Variants in NOL10 observed in about 807,000 individuals in gnomAD.
NOL10 encodes the protein nucleolar protein 10.
A neutral mutation model predicts 103.5 loss-of-function variants in NOL10; 58 were observed. The observed-to-expected ratio is 0.56, with a 90% CI of 0.45 to 0.70. NOL10 has a LOEUF of 0.70. NOL10 is among the 30% of genes least tolerant of loss of function. NOL10 has a pLI of 0.00. For synonymous variants in NOL10, 287 were observed against 282.5 expected, an observed-to-expected ratio of 1.02 and a Z score of -0.16; for missense variants, 763 against 807.3, an observed-to-expected ratio of 0.95 and a Z score of 0.67.
At position 10,662,461 on chromosome 2, in the gene NOL10, T is replaced by C. The variant is rs201805551; in HGVS notation, c.677+498A>G. Among the ~76,000 whole-genome samples, 7 of 152,354 alleles carry C rather than the reference T, an allele frequency of 4.6e-5. No individual in the cohort carries two copies. The East Asian group carries it at 1.2e-3, about 25-fold the overall frequency. On this transcript the variant is annotated intron_variant, in intron 9 of 20. Coordinates refer to ENST00000381685, the MANE Select transcript of NOL10 (RefSeq NM_024894.4). Reference sequence around the variant, plus strand: ...GTACCAAAAACCTTCAAAACATGTATGCTATTTAATCCAGAAATTCAGGTT... The same window carrying C: ...GTACCAAAAACCTTCAAAACATGTACGCTATTTAATCCAGAAATTCAGGTT...
intron 1 of NOL10, among the ~76,000 whole-genome samples, chr2:10,686,229 T>G (rs1001490506): frequency 1.3e-5 from 2 of 152,214 alleles, no homozygotes; most frequent in East Asian, 3.9e-4. Flanking sequence ...TGGAGAATTA[T>G]AATTTTGAAT....
Position 10,685,498 on chromosome 2 carries a change from C to A in NOL10, c.67-886G>T, listed in dbSNP as rs1332893594. ...CTGAGAGAGACTCCGTCCCCCCCCCCCCCCCCCCCGCCAAAAAAAAAGAAA... is the reference window on the plus strand; with the variant it reads ...CTGAGAGAGACTCCGTCCCCCCCCCACCCCCCCCCGCCAAAAAAAAAGAAA... On this transcript the variant is annotated intron_variant, in intron 1 of 20. Coordinates refer to ENST00000381685, the MANE Select transcript of NOL10 (RefSeq NM_024894.4). Among the ~76,000 whole-genome samples the A allele has an allele frequency of 5.6e-4, 35 of 62,338 alleles. 1 individual carries two copies. Among genetic ancestry groups the A allele is most frequent in the East Asian group, 1.9e-3 (3 of 1,618 alleles). 40.9% of individuals were successfully genotyped at this position (62,338 alleles called of 152,430 possible).
At position 10,573,482 on chromosome 2, in the gene NOL10, G is replaced by A. The variant is rs529845227; in HGVS notation, c.1948-1292C>T. 9.9e-5 allele frequency among the ~76,000 whole-genome samples: 15 copies of A among 151,882 alleles called. No individual in the cohort carries two copies. The South Asian group carries it at 1.3e-3, about 13-fold the overall frequency. ...GCTGGGATTACAGGCGTGCGCCACC[G>A]TGCCCAGCCAGGATCTGTATTTTCT... is the stretch of plus-strand genomic sequence containing the variant. On this transcript the variant is annotated intron_variant, in intron 20 of 20. Transcript: ENST00000381685.
chr2:10,653,650 C>A (rs1679633960), intron 12 of NOL10, among the ~76,000 whole-genome samples: 1 of 152,116 alleles, frequency 6.6e-6, no homozygotes, highest in Non-Finnish European at 1.5e-5. Flanking sequence ...CAGGACACTC[C>A]TCCCCACCCC....
chr2:10,619,900 C>G lies in NOL10; in HGVS notation c.1027-12589G>C, dbSNP rs185267761. On this transcript the variant is annotated intron_variant, in intron 13 of 20. Coordinates refer to ENST00000381685, the MANE Select transcript of NOL10 (RefSeq NM_024894.4). ...AGTTCACTTCCAGACTTTGCAATAA[C>G]AATGACTCTAAGCAATGTTAAAGTC... is the stretch of plus-strand genomic sequence containing the variant. Among the ~76,000 whole-genome samples the G allele has an allele frequency of 1.9e-3, 292 of 152,346 alleles. 2 individuals are homozygous for G. The highest frequency in any genetic ancestry group is 6.8e-3 in the African/African-American group (281 of 41,568).
At chr2:10,600,804 T>C (rs1005142602) in intron 17 of NOL10, 49 bp downstream of exon 17, 7 of 1,173,032 alleles carry the variant, frequency 6.0e-6, no homozygotes, top group African/African-American at 3.1e-5. Context: ...AGATGTAAGT[T>C]ACTATCAACA....
intron 12 of NOL10, among the ~76,000 whole-genome samples, chr2:10,650,438 T>C (rs983547972): frequency 6.6e-6 from 1 of 151,982 alleles, no homozygotes; most frequent in East Asian, 1.9e-4. Context: ...CATGATGGGA[T>C]TACAGGCGTG....
Position 10,663,028 on chromosome 2 carries a change from C to T in NOL10, c.608G>A (p.Trp203Ter), listed in dbSNP as rs1185478858. Residue 203 changes from tryptophan to a stop codon, truncating the protein, a stop_gained, in exon 9 of 21, where the codon TGG (tryptophan) becomes TAG (stop). Coordinates refer to ENST00000381685, the MANE Select transcript of NOL10 (RefSeq NM_024894.4). LOFTEE classifies it high-confidence loss of function. ...TGTIEGRVEC[W>*]DPRTRNRVGL... The stretch of plus-strand genomic sequence containing the variant: ...AACTCTGTTTCGAGTTCTTGGGTCC[C>T]AGCACTCCACTCTACCCTATGCAAA... 3 of 1,613,668 alleles carry T rather than the reference C, an allele frequency of 1.9e-6. No individual in the cohort carries two copies. The Admixed American group carries it at 5.0e-5, about 27-fold the overall frequency.
At chr2:10,577,334 G>A (rs1386806416) in intron 20 of NOL10, among the ~76,000 whole-genome samples, 1 of 152,180 alleles carries the variant, frequency 6.6e-6, no homozygotes, top group Non-Finnish European at 1.5e-5. Flanking sequence ...AGCCGCACCT[G>A]AGGCTACAGA....
chr2:10,644,362 C>T lies in NOL10; in HGVS notation c.984G>A (p.Leu328=), dbSNP rs1291915290. The change falls in exon 13 of 21, where the codon CTG becomes CTA. Residue 328 remains leucine (L), a synonymous_variant. Transcript: ENST00000381685. ...CCATCTTGGGGGTTTCATTGGCCGT[C>T]AGAAGCATGCCTAAAAATAAATACA... ...VCLYPNSGML[L]TANETPKMGI... is the part of the protein sequence containing the mutation. 4.6e-6 allele frequency: 7 copies of T among 1,538,408 alleles called. No individual in the cohort carries two copies. The highest frequency in any genetic ancestry group is 2.1e-5 in the Admixed American group (1 of 47,720).
chr2:10,625,824 A>G (rs1677423783), intron 13 of NOL10, among the ~76,000 whole-genome samples: 1 of 151,882 alleles, frequency 6.6e-6, no homozygotes, highest in Non-Finnish European at 1.5e-5. Flanking sequence ...TCTATTTGAA[A>G]TTTTTTCTCC....
intron 10 of NOL10, 53 bp downstream of exon 10, chr2:10,659,119 A>ACACAC: frequency 8.3e-7 from 1 of 1,199,824 alleles, no homozygotes; most frequent in East Asian, 2.5e-5. Context: ...TGACACATAC[A>ACACAC]CACACCACTG....
chr2:10,572,166 C>T lies in NOL10; in HGVS notation c.1972G>A (p.Glu658Lys). The change falls in exon 21 of 21, where the codon GAG becomes AAG. Residue 658 changes from glutamate (E) to lysine (K), a missense_variant. Glu to Lys is a moderately conservative substitution (Grantham distance 56). Coordinates refer to ENST00000381685, the MANE Select transcript of NOL10 (RefSeq NM_024894.4). ...KRSEQQKKQQ[E>K]AEKLHRQERK... ...TCTTGTCGATGCAGTTTCTCAGCCT[C>T]CTGTTGCTTCTTCTGCTGTTCAGAC... 2 of 1,613,980 alleles carry T rather than the reference C, an allele frequency of 1.2e-6. No homozygotes were observed. The highest frequency in any genetic ancestry group is 1.7e-6 in the Non-Finnish European group (2 of 1,179,884).
chr2:10,602,562 G>A (rs770008582), intron 16 of NOL10, among the ~76,000 whole-genome samples: 4 of 152,280 alleles, frequency 2.6e-5, no homozygotes, highest in Non-Finnish European at 4.4e-5. Flanking sequence ...TACAATTACC[G>A]CAGAGGTCAT....
chr2:10,594,142 GCAGCACAGTA>G (rs145235980), intron 17 of NOL10, among the ~76,000 whole-genome samples: 52,024 of 151,802 alleles, frequency 0.34, 9,301 homozygotes, highest in Non-Finnish European at 0.4. Flanking sequence ...AGATGGGCTT[GCAGCACAGTA>G]CAGTCGCTTC....
intron 17 of NOL10, among the ~76,000 whole-genome samples, chr2:10,597,701 CAAG>C (rs1008476238): frequency 6.6e-6 from 1 of 152,240 alleles, no homozygotes; most frequent in Admixed American, 6.5e-5. Context: ...AAGTCACCAA[CAAG>C]AAGATTAGGG....
At chr2:10,587,254 T>C (rs1437793957) in intron 19 of NOL10, among the ~76,000 whole-genome samples, 1 of 39,756 alleles carries the variant, frequency 2.5e-5, no homozygotes. Context: ...CATATATATA[T>C]ATACACATAT....
chr2:10,616,920 C>CA (rs1459648190), intron 13 of NOL10, among the ~76,000 whole-genome samples: 2 of 152,226 alleles, frequency 1.3e-5, no homozygotes, highest in East Asian at 3.9e-4. Context: ...GTTACCTCCC[C>CA]ATTCACTTAT....
In NOL10 at chr2:10,593,878, C is replaced by A. The variant is rs114642508; in HGVS notation, c.1423-4127G>T. 4.5e-3 allele frequency among the ~76,000 whole-genome samples: 689 copies of A among 152,238 alleles called. 3 individuals are homozygous for A. Among genetic ancestry groups the A allele is most frequent in the Admixed American group, 5.8e-3 (88 of 15,298 alleles). ...TGCTGGTAGCCAGGCCTTTACCCCC[C>A]CAAGCAGGAGGACCTGACCAGCCAA... On this transcript the variant is annotated intron_variant, in intron 17 of 20. Coordinates refer to ENST00000381685, the MANE Select transcript of NOL10 (RefSeq NM_024894.4).
Sources: gnomAD v4.1 joint callset for allele counts (sites outside exome capture counted in the v4.1 genomes callset) on GRCh38, gnomAD v4.1.1 for gene constraint, MANE v1.5 for transcripts, NCBI Gene and HGNC (gene_info 2026-07-23, HGNC 2026-07-21) for gene names.